EYS: variants seen among roughly 807,000 people sequenced by gnomAD.
The protein encoded by EYS is protein eyes shut homolog.
Under a neutral mutation model 282.1 loss-of-function variants are expected in EYS, and 250 were observed. The ratio of observed to expected loss-of-function variants is 0.89; its 90% CI spans 0.80 to 0.98. The LOEUF is 0.98. Ranked by LOEUF, EYS falls within the 50% of genes least tolerant of loss-of-function variation. The probability of loss-of-function intolerance (pLI) is 0.00; values close to 1 mark genes in which losing one functional copy is unlikely to be tolerated. For synonymous variants in EYS, 1,355 were observed against 1,282.9 expected (o/e 1.06, Z -1.20); for missense variants, 4,016 against 3,709.0 (o/e 1.08, Z -2.15).
chr6:64,771,425 G>A (rs1428052676), intron 22 of EYS, among the ~76,000 whole-genome samples: 1 of 151,340 alleles, frequency 6.6e-6, no homozygotes, highest in Non-Finnish European at 1.5e-5. Flanking sequence ...ACTTAGGAAT[G>A]CTCTCTCTAC....
At chr6:65,366,295 T>C (rs1764910083) in intron 8 of EYS, among the ~76,000 whole-genome samples, 1 of 151,714 alleles carries the variant, frequency 6.6e-6, no homozygotes, top group African/African-American at 2.4e-5. Flanking sequence ...GTGCCAACCA[T>C]GTCAAGGTAA....
intron 31 of EYS, among the ~76,000 whole-genome samples, chr6:64,208,657 G>T (rs1257258307): frequency 1.3e-5 from 2 of 152,084 alleles, no homozygotes; most frequent in Non-Finnish European, 2.9e-5. Flanking sequence ...TGATTATGGT[G>T]TGTGATAGTA....
intron 22 of EYS, among the ~76,000 whole-genome samples, chr6:64,684,047 C>G (rs868704140): frequency 6.6e-6 from 1 of 152,188 alleles, no homozygotes; most frequent in African/African-American, 2.4e-5. Context: ...GAGCTGCCAA[C>G]TCTCTCACTC....
intron 7 of EYS, among the ~76,000 whole-genome samples, chr6:65,398,049 A>G (rs1766353810): frequency 6.6e-6 from 1 of 151,876 alleles, no homozygotes; most frequent in Non-Finnish European, 1.5e-5. Flanking sequence ...CTGCTTTTAT[A>G]TCTTCTTTTA....
chr6:64,628,931 A>G (rs1461766693), intron 22 of EYS, among the ~76,000 whole-genome samples: 2 of 152,184 alleles, frequency 1.3e-5, no homozygotes, highest in African/African-American at 4.8e-5. Context: ...GTACATTCAC[A>G]TGGTATGTTT....
At chr6:65,384,633 C>T in intron 7 of EYS, 133 bp from the exon 8 acceptor site, 1 of 594,280 alleles carries the variant, frequency 1.7e-6, no homozygotes, top group Non-Finnish European at 3.0e-6. Flanking sequence ...TAATACATAC[C>T]TGTGATCTTA....
At chr6:64,854,935 T>C (rs1332963733) in intron 19 of EYS, among the ~76,000 whole-genome samples, 2 of 152,182 alleles carry the variant, frequency 1.3e-5, no homozygotes, top group East Asian at 3.9e-4. Context: ...TGAAAGATAT[T>C]TTCATTTAGA....
At chr6:64,363,801 CAAAAA>C (rs1772102680) in intron 29 of EYS, among the ~76,000 whole-genome samples, 1 of 151,770 alleles carries the variant, frequency 6.6e-6, no homozygotes, top group Non-Finnish European at 1.5e-5. Context: ...TTTATCACAG[CAAAAA>C]TAAATGCGAA....
chr6:65,459,871 T>G (rs1250324136), intron 5 of EYS, among the ~76,000 whole-genome samples: 1 of 149,928 alleles, frequency 6.7e-6, no homozygotes, highest in East Asian at 2.0e-4. Flanking sequence ...TTGGCTTTCT[T>G]AAACAGAAAT....
chr6:63,728,202 C>T (rs1345381012), intron 41 of EYS, among the ~76,000 whole-genome samples: 2 of 151,950 alleles, frequency 1.3e-5, no homozygotes, highest in Non-Finnish European at 2.9e-5. Flanking sequence ...CCAAGAATTA[C>T]TGTTAAGTTT....
At chr6:64,652,849 G>A (rs555762106) in intron 22 of EYS, among the ~76,000 whole-genome samples, 8 of 152,038 alleles carry the variant, frequency 5.3e-5, no homozygotes, top group East Asian at 3.9e-4. Flanking sequence ...TACAAACTTC[G>A]TAAGAACTAT....
At chr6:64,488,916 C>A (rs118151119) in intron 26 of EYS, among the ~76,000 whole-genome samples, 2,461 of 150,912 alleles carry the variant, frequency 0.016, 23 homozygotes, top group South Asian at 0.035. Context: ...TTGTATGGTG[C>A]CAGGCACATA....
intron 4 of EYS, among the ~76,000 whole-genome samples, chr6:65,492,238 A>C (rs944107875): frequency 2.0e-5 from 3 of 152,182 alleles, no homozygotes; most frequent in African/African-American, 7.2e-5. Flanking sequence ...ATAAGTAAGC[A>C]TTATTTAGGT....
chr6:63,732,789 TG>T (rs2149636004), intron 41 of EYS, among the ~76,000 whole-genome samples: 1 of 152,350 alleles, frequency 6.6e-6, no homozygotes, highest in African/African-American at 2.4e-5. Context: ...TGAAGTATTT[TG>T]GCTACCTGTC....
At chr6:65,135,975 T>A (rs1488522605) in intron 12 of EYS, among the ~76,000 whole-genome samples, 1 of 152,062 alleles carries the variant, frequency 6.6e-6, no homozygotes, top group Non-Finnish European at 1.5e-5. Flanking sequence ...TTTTTGAATC[T>A]TTTACATGTA....
intron 34 of EYS, among the ~76,000 whole-genome samples, chr6:63,997,455 G>A (rs1367511447): frequency 1.3e-5 from 2 of 152,170 alleles, no homozygotes; most frequent in Non-Finnish European, 2.9e-5. Flanking sequence ...CCAGGCTTAG[G>A]AGCACTTGAA....
At chr6:65,204,462 G>GA (rs1290753712) in intron 12 of EYS, among the ~76,000 whole-genome samples, 1 of 147,762 alleles carries the variant, frequency 6.8e-6, no homozygotes, top group African/African-American at 2.5e-5. Flanking sequence ...CATAAACGAA[G>GA]AAAAAATAAA....
chr6:64,835,241 A>G (rs1765346282), intron 19 of EYS, among the ~76,000 whole-genome samples: 1 of 151,776 alleles, frequency 6.6e-6, no homozygotes, highest in Non-Finnish European at 1.5e-5. Context: ...AGCTTTCTCC[A>G]TCACACCACT....
chr6:65,655,268 C>T (rs1184437553), intron 1 of EYS, among the ~76,000 whole-genome samples: 1 of 151,450 alleles, frequency 6.6e-6, no homozygotes, highest in Non-Finnish European at 1.5e-5. Context: ...TAACTGCTCA[C>T]CACTTAAGTG....
Sources: allele counts gnomAD v4.1 joint callset (sites outside exome capture counted in the v4.1 genomes callset), GRCh38; gene constraint gnomAD v4.1.1; transcripts MANE v1.5; gene names NCBI Gene and HGNC (gene_info 2026-07-23, HGNC 2026-07-21).